Variants in SSH1 observed in about 807,000 individuals in gnomAD.
SSH1 encodes protein phosphatase Slingshot homolog 1.
A neutral mutation model predicts 79.7 loss-of-function variants in SSH1; 43 were observed. The ratio of observed to expected loss-of-function variants is 0.54; its 90% CI spans 0.42 to 0.70. The LOEUF (loss-of-function observed/expected upper bound fraction) is 0.70. Ranked by LOEUF, SSH1 falls within the 30% of genes least tolerant of loss-of-function variation. SSH1 has a pLI of 0.00. For synonymous variants in SSH1, 599 were observed against 538.3 expected (o/e 1.11, Z -1.56); for missense variants, 1,206 against 1,358.8 (o/e 0.89, Z 1.77).
chr12:108,830,868 C>A (rs1044755051), intron 2 of SSH1, among the ~76,000 whole-genome samples: 2 of 152,042 alleles, frequency 1.3e-5, no homozygotes, highest in African/African-American at 4.8e-5. Flanking sequence ...TGGTCTCCAA[C>A]TCCTGAGCTC....
chr12:108,796,501 T>C (rs1306916930), intron 13 of SSH1, among the ~76,000 whole-genome samples: 1 of 152,252 alleles, frequency 6.6e-6, no homozygotes, highest in East Asian at 1.9e-4. Context: ...TGAAGGTTCA[T>C]GACTGTCGTA....
At chr12:108,790,319 TTAATA>T (rs1451900489) in intron 14 of SSH1, among the ~76,000 whole-genome samples, 1 of 152,086 alleles carries the variant, frequency 6.6e-6, no homozygotes, top group Non-Finnish European at 1.5e-5. Flanking sequence ...GCCAGCTAAT[TTAATA>T]TTTTTAGTAG....
chr12:108,788,502 C>G lies in SSH1; in HGVS notation c.2636G>C (p.Ser879Thr). The change falls in exon 15 of 15, where the codon AGT becomes ACT. Residue 879 changes from serine to threonine, a missense_variant. Around this residue, in one of 5 missense-constraint regions of SSH1, gnomAD observed 709 missense variants for 730.6 expected, o/e 0.97. Coordinates refer to ENST00000326495, the MANE Select transcript of SSH1 (RefSeq NM_018984.4). Reference protein sequence around the residue: ...GPLVMPSQAGSDEKSEAAPAS... With the variant: ...GPLVMPSQAGTDEKSEAAPAS... ...GGGGGCGGCCTCTGACTTCTCATCA[C>G]TCCCGGCCTGGCTGGGCATAACCAG... The G allele has an allele frequency of 1.9e-6, 3 of 1,560,182 alleles. No individual in the cohort carries two copies. The South Asian group carries it at 3.7e-5, about 19-fold the overall frequency.
chr12:108,835,056 T>C, intron 2 of SSH1, among the ~76,000 whole-genome samples: 1 of 152,134 alleles, frequency 6.6e-6, no homozygotes, highest in Non-Finnish European at 1.5e-5. Flanking sequence ...ACTGAGTGCT[T>C]CAAATAACAC....
intron 2 of SSH1, among the ~76,000 whole-genome samples, chr12:108,842,847 C>T (rs1463976129): frequency 6.6e-6 from 1 of 152,218 alleles, no homozygotes; most frequent in Non-Finnish European, 1.5e-5. Flanking sequence ...GGCCACTGAC[C>T]TCTCTGGGGT....
intron 7 of SSH1, among the ~76,000 whole-genome samples, chr12:108,808,618 A>G (rs2037407303): frequency 6.6e-6 from 1 of 152,178 alleles, no homozygotes; most frequent in African/African-American, 2.4e-5. Context: ...TTAATATGCA[A>G]CAGAGACATC....
At chr12:108,852,944 A>G in intron 1 of SSH1, 2 of 985,310 alleles carry the variant, frequency 2.0e-6, no homozygotes, top group Non-Finnish European at 2.4e-6. Flanking sequence ...AACATTTCCT[A>G]TCTGGTGTTG....
At chr12:108,834,329 C>G (rs1157191521) in intron 2 of SSH1, 1 of 152,304 alleles carries the variant, frequency 6.6e-6, no homozygotes, top group Non-Finnish European at 1.5e-5. Context: ...ATGCCTTCTC[C>G]AGGAAGCTTT....
In SSH1 at chr12:108,792,597, T is replaced by A. The variant is rs1395880728; in HGVS notation, c.1582A>T (p.Ser528Cys). ...TCCGGATCCTCCAGGTGGACCAAGC[T>A]GCCAGTTTCATCCTCAGGGGAAGGC... ...LLPSPEDETG[S>C]LVHLEDPERE... Residue 528 changes from serine to cysteine, a missense_variant, in exon 14 of 15, where the codon AGC (serine) becomes TGC (cysteine). Ser to Cys is a moderately radical substitution (Grantham distance 112). Transcript: ENST00000326495. 1.2e-6 allele frequency: 2 copies of A among 1,612,472 alleles called. No homozygotes were observed. Among genetic ancestry groups the A allele is most frequent in the African/African-American group, 2.7e-5 (2 of 74,836 alleles).
At chr12:108,791,768 T>C (rs1171080268) in intron 14 of SSH1, among the ~76,000 whole-genome samples, 1 of 152,154 alleles carries the variant, frequency 6.6e-6, no homozygotes, top group Non-Finnish European at 1.5e-5. Context: ...AGTATGTATC[T>C]ATCTATATCT....
rs934342655 is a variant in SSH1 at position 108,827,681 on chromosome 12, T to C, written c.111-4320A>G. The C allele has an allele frequency of 3.8e-5, 24 of 624,696 alleles. No homozygotes were observed. In the East Asian group the frequency reaches 6.1e-4, roughly 16 times the overall value. The allele number at this position is 624,696 out of a possible 1,614,324, so 38.7% of individuals were successfully genotyped here. On this transcript the variant is annotated intron_variant, in intron 2 of 14. Transcript: ENST00000326495. ...CAAGCACCGGGGTGTGCATTCGACA[T>C]TGTGAGGGCAAACAACTGGCCCCAA...
At position 108,806,422 on chromosome 12, in the gene SSH1, A is replaced by G. The variant is rs1484260639; in HGVS notation, c.732-28T>C. 9 of 1,603,440 alleles carry G rather than the reference A, an allele frequency of 5.6e-6. No homozygotes were observed. The Admixed American group carries it at 1.3e-4, about 24-fold the overall frequency. On this transcript the variant is annotated intron_variant, in intron 8 of 14. Transcript: ENST00000326495. ...GGAAAGAAATGACGTTTAGGAGAGCAAGGAGCTGTAGAAAGCTTGTGGTCG... is the reference window on the plus strand; with the variant it reads ...GGAAAGAAATGACGTTTAGGAGAGCGAGGAGCTGTAGAAAGCTTGTGGTCG...
chr12:108,837,581 T>C (rs76270886), intron 2 of SSH1, among the ~76,000 whole-genome samples: 507 of 152,334 alleles, frequency 3.3e-3, no homozygotes, highest in African/African-American at 0.012. Context: ...TTGCAATTCT[T>C]ATGTAAGCTG....
chr12:108,792,959 A>C, intron 13 of SSH1, 130 bp from the exon 14 acceptor site: 1 of 1,056,002 alleles, frequency 9.5e-7, no homozygotes, highest in Non-Finnish European at 1.4e-6. Flanking sequence ...TGGCTCATTC[A>C]GGTAAAGCCT....
chr12:108,825,839 C>G (rs185994252), intron 2 of SSH1, among the ~76,000 whole-genome samples: 1 of 152,322 alleles, frequency 6.6e-6, no homozygotes, highest in East Asian at 1.9e-4. Context: ...TCACAGGCTG[C>G]AGAATCACCT....
rs1441172579 is a variant in SSH1 at position 108,787,253 on chromosome 12, C to T, written c.*735G>A. ...TAGCAACAACTGAGAACAACCCATA[C>T]ATTTTCCCCACCGGACCCCTGTGCT... On this transcript the variant is annotated 3_prime_UTR_variant, in exon 15 of 15. Coordinates refer to ENST00000326495, the MANE Select transcript of SSH1 (RefSeq NM_018984.4). 1.3e-5 allele frequency: 2 copies of T among 152,250 alleles called. No homozygotes were observed. The highest frequency in any genetic ancestry group is 2.1e-4 in the South Asian group (1 of 4,830). The allele number at this position is 152,250 out of a possible 1,614,324, so 9.4% of individuals were successfully genotyped here.
intron 5 of SSH1, 111 bp downstream of exon 5, chr12:108,816,927 T>C: frequency 1.3e-6 from 2 of 1,544,350 alleles, no homozygotes; most frequent in Non-Finnish European, 1.8e-6. Flanking sequence ...AGGCTCTCCA[T>C]CAGGACGCAG....
At chr12:108,793,746 A>C (rs2036616082) in intron 13 of SSH1, among the ~76,000 whole-genome samples, 1 of 152,194 alleles carries the variant, frequency 6.6e-6, no homozygotes, top group Non-Finnish European at 1.5e-5. Flanking sequence ...TTACGGTGAA[A>C]TAAGGTAACT....
intron 2 of SSH1, among the ~76,000 whole-genome samples, chr12:108,831,538 G>A (rs1365298449): frequency 6.6e-6 from 1 of 152,160 alleles, no homozygotes; most frequent in African/African-American, 2.4e-5. Flanking sequence ...GCAGGCACAG[G>A]ACAGTAACTT....
Sources: allele counts gnomAD v4.1 joint callset (sites outside exome capture counted in the v4.1 genomes callset), GRCh38; gene constraint gnomAD v4.1.1; regional missense constraint gnomAD v4.1.1; transcripts MANE v1.5; gene names NCBI Gene and HGNC (gene_info 2026-07-23, HGNC 2026-07-21).